Variants in H2BC18 observed in about 807,000 individuals in gnomAD.
H2BC18 encodes histone H2B type 2-F.
A neutral mutation model predicts 6.3 loss-of-function variants in H2BC18; 8 were observed. The observed-to-expected ratio is 1.28, with a 90% CI of 0.75 to 2.31. The LOEUF (loss-of-function observed/expected upper bound fraction) is 2.31. Ranked by LOEUF, H2BC18 falls within the 30% of genes most tolerant of loss-of-function variation. The pLI is 0.00. For missense variants in H2BC18, 106 were observed against 174.5 expected, an observed-to-expected ratio of 0.61 and a Z score of 2.21; for synonymous variants, 104 against 78.1, an observed-to-expected ratio of 1.33 and a Z score of -1.75.
downstream of H2BC18, among the ~76,000 whole-genome samples, chr1:149,809,674 A>G: frequency 7.0e-6 from 1 of 143,454 alleles, no homozygotes; most frequent in Non-Finnish European, 1.5e-5. Flanking sequence ...AGAAAAAGAA[A>G]TTGAGGAATA....
chr1:149,803,904 T>A (rs1194259005), intron 1 of H2BC18: 6 of 152,240 alleles, frequency 3.9e-5, no homozygotes, highest in African/African-American at 1.2e-4. Context: ...CCTTGTTTTC[T>A]TGTGAAAATT....
At chr1:149,785,013 A>G (rs1390784085) in intron 1 of H2BC18, among the ~76,000 whole-genome samples, 1 of 152,228 alleles carries the variant, frequency 6.6e-6, no homozygotes, top group South Asian at 2.1e-4. Flanking sequence ...TATTCTGGAC[A>G]TGGAATTATT....
chr1:149,810,821 T>C (rs1553754346), downstream of H2BC18: 1 of 152,042 alleles, frequency 6.6e-6, no homozygotes, highest in Non-Finnish European at 1.5e-5. Flanking sequence ...TATTAAAACA[T>C]CCACACTCCT....
At chr1:149,796,189 C>T (rs2091798284) in intron 1 of H2BC18, among the ~76,000 whole-genome samples, 1 of 152,016 alleles carries the variant, frequency 6.6e-6, no homozygotes, top group Non-Finnish European at 1.5e-5. Flanking sequence ...CCTTCATCTC[C>T]CTATCACACA....
chr1:149,784,117 G>A, intron 1 of H2BC18: 1 of 1,611,844 alleles, frequency 6.2e-7, no homozygotes, highest in East Asian at 2.2e-5. Flanking sequence ...TCTACACAGT[G>A]GTTTCTCAAT....
At chr1:149,793,129 G>C (rs188275404) in intron 1 of H2BC18, 97,145 of 1,273,948 alleles carry the variant, frequency 0.076, 4,135 homozygotes, top group Non-Finnish European at 0.086. Flanking sequence ...AGGTGCGCCC[G>C]GCCGAGCCTC....
rs2091604883 is a variant in H2BC18, at chr1:149,788,312, G to A, written c.378-5052C>T. On this transcript the variant is annotated intron_variant, in intron 1 of 1. Coordinates refer to the H2BC18 transcript ENST00000545683. ...AGGAAGCCCACAGGGCCAAGCTTGG[G>A]CCTCCTTGTACCTCCTCCACTGTAT... 4 of 1,611,314 alleles carry A rather than the reference G, an allele frequency of 2.5e-6. No individual in the cohort carries two copies. In the Admixed American group the frequency reaches 6.7e-5, roughly 27 times the overall value.
At position 149,788,793 on chromosome 1, in the gene H2BC18, G is replaced by A. The variant is rs587634004; in HGVS notation, c.378-5533C>T. 3.2e-3 allele frequency among the ~76,000 whole-genome samples: 482 copies of A among 152,154 alleles called. 1 individual carries two copies. Among genetic ancestry groups the A allele is most frequent in the African/African-American group, 0.011 (463 of 41,490 alleles). Reference sequence around the variant, plus strand: ...CTGGAACCAGAACTGAGGTCTCTGGGTCCTAGTCCAATACTCTTTCCAGTG... The same window carrying A: ...CTGGAACCAGAACTGAGGTCTCTGGATCCTAGTCCAATACTCTTTCCAGTG... On this transcript the variant is annotated intron_variant, in intron 1 of 1. Transcript: ENST00000545683.
chr1:149,808,182 G>C (rs1490828683), downstream of H2BC18, among the ~76,000 whole-genome samples: 1 of 152,096 alleles, frequency 6.6e-6, no homozygotes, highest in African/African-American at 2.4e-5. Flanking sequence ...AGTTGAAAGA[G>C]GTTACAGTAA....
intron 1 of H2BC18, among the ~76,000 whole-genome samples, chr1:149,801,163 A>G (rs1291463510): frequency 1.6e-4 from 24 of 152,112 alleles, no homozygotes; most frequent in Non-Finnish European, 4.4e-5. Flanking sequence ...CTGAACTGTC[A>G]TCCTGTCAGT....
downstream of H2BC18, chr1:149,810,979 T>C (rs1553754369): frequency 2.0e-5 from 3 of 152,228 alleles, no homozygotes; most frequent in African/African-American, 4.8e-5. Flanking sequence ...ACAGGGTTCT[T>C]GTCCTGGAGG....
At chr1:149,789,668 A>G (rs6587580) in intron 1 of H2BC18, among the ~76,000 whole-genome samples, 8,304 of 152,194 alleles carry the variant, frequency 0.055, 723 homozygotes, top group African/African-American at 0.19. Flanking sequence ...AATCAGTGGC[A>G]ACATTAGATT....
rs1553754690 is a variant in H2BC18 at position 149,812,356 on chromosome 1, G to A, written c.-33C>T. 6 of 1,613,740 alleles carry A rather than the reference G, an allele frequency of 3.7e-6. No individual in the cohort carries two copies. The highest frequency in any genetic ancestry group is 4.5e-5 in the East Asian group (2 of 44,896). On this transcript the variant is annotated 5_prime_UTR_variant, in exon 1 of 1. Coordinates refer to ENST00000369167, the MANE Select transcript of H2BC18 (RefSeq NM_001024599.5). ...CGAAAAAAGAGAAAAGAGACTTAAA[G>A]AAGTAATCCGAACTACCGCAAAACG...
chr1:149,803,555 C>A (rs2101478758), intron 1 of H2BC18: 1 of 152,206 alleles, frequency 6.6e-6, no homozygotes, highest in South Asian at 2.1e-4. Flanking sequence ...TCTCAATATC[C>A]AATCAATCCC....
At chr1:149,793,031 C>A in intron 1 of H2BC18, 2 of 1,264,444 alleles carry the variant, frequency 1.6e-6, no homozygotes, top group Non-Finnish European at 2.0e-6. Flanking sequence ...CCCGGGCCCG[C>A]CAGCTCCCGG....
In H2BC18 at chr1:149,793,043, C is replaced by A. The variant is rs587615524; in HGVS notation, c.378-9783G>T. 27 of 1,261,644 alleles carry A rather than the reference C, an allele frequency of 2.1e-5. 1 individual carries two copies. The African/African-American group carries it at 2.7e-4, about 13-fold the overall frequency. The allele number at this position is 1,261,644 out of a possible 1,614,324, so 78.2% of individuals were successfully genotyped here. ...CGCCCCGGGCCCGCCAGCTCCCGGG[C>A]CCCGGCGCGGCGCCACCTGGCGGCC... is the stretch of plus-strand genomic sequence containing the variant. On this transcript the variant is annotated intron_variant, in intron 1 of 1. Transcript: ENST00000545683.
At chr1:149,807,575 G>A (rs2091931808), downstream of H2BC18, among the ~76,000 whole-genome samples, 1 of 149,622 alleles carries the variant, frequency 6.7e-6, no homozygotes. Flanking sequence ...GGAGGCCGAG[G>A]CAGGCAGATC....
chr1:149,804,142 G>A (rs2101480467), intron 1 of H2BC18, among the ~76,000 whole-genome samples: 1 of 152,116 alleles, frequency 6.6e-6, no homozygotes, highest in Middle Eastern at 3.4e-3. Context: ...CTATTCCCTT[G>A]ACTTGTTCTT....
chr1:149,793,509 G>C (rs1553752460), intron 1 of H2BC18, among the ~76,000 whole-genome samples: 1 of 152,140 alleles, frequency 6.6e-6, no homozygotes, highest in Non-Finnish European at 1.5e-5. Flanking sequence ...AGGCCCTGGA[G>C]GGATCTGATG....
Sources: gnomAD v4.1 joint callset for allele counts (sites outside exome capture counted in the v4.1 genomes callset) on GRCh38, gnomAD v4.1.1 for gene constraint, MANE v1.5 for transcripts, NCBI Gene and HGNC (gene_info 2026-07-23, HGNC 2026-07-21) for gene names.